CCT3: variants seen among roughly 807,000 people sequenced by gnomAD.
CCT3 encodes T-complex protein 1 subunit gamma.
A neutral mutation model predicts 65.3 loss-of-function variants in CCT3; 10 were observed. The observed-to-expected ratio is 0.15, with a 90% CI of 0.09 to 0.26. The LOEUF (loss-of-function observed/expected upper bound fraction) is 0.26. Ranked by LOEUF, CCT3 falls within the 10% of genes least tolerant of loss-of-function variation. The pLI is 1.00. For synonymous variants in CCT3, 225 were observed against 242.3 expected, an observed-to-expected ratio of 0.93 and a Z score of 0.66; for missense variants, 626 against 708.7, an observed-to-expected ratio of 0.88 and a Z score of 1.33.
At chr1:156,331,746 CTCTCAG>C (rs1665105533) in intron 5 of CCT3, among the ~76,000 whole-genome samples, 1 of 150,216 alleles carries the variant, frequency 6.7e-6, no homozygotes, top group Admixed American at 6.6e-5. Flanking sequence ...AAAATAGTCC[CTCTCAG>C]GCCAGGCGTG....
At position 156,318,894 on chromosome 1, in the gene CCT3, G is replaced by C. The variant is rs1026650954; in HGVS notation, c.733C>G (p.Leu245Val). The C allele has an allele frequency of 2.0e-5, 32 of 1,613,880 alleles. No individual in the cohort carries two copies. Among genetic ancestry groups the C allele is most frequent in the Non-Finnish European group, 2.5e-5 (29 of 1,180,008 alleles). ...NPRIVLLDSS[L>V]EYKKGESQTD... The stretch of plus-strand genomic sequence containing the variant: ...TGGCTTTCTCCTTTCTTGTATTCCA[G>C]AGAAGAATCCAGCAGCACAATGCGA... The change falls in exon 8 of 14, where the codon CTG becomes GTG. Residue 245 changes from leucine (L) to valine (V), a missense_variant. Coordinates refer to ENST00000295688, the MANE Select transcript of CCT3 (RefSeq NM_005998.5).
chr1:156,319,088 A>T, intron 7 of CCT3, 71 bp from the exon 8 acceptor site: 1 of 1,384,380 alleles, frequency 7.2e-7, no homozygotes, highest in South Asian at 1.4e-5. Flanking sequence ...CCAGATGTTC[A>T]TCTTTCCCAA....
Position 156,312,149 on chromosome 1 carries a change from C to T in CCT3, c.1047G>A (p.Leu349=). 6.2e-7 allele frequency: 1 copy of T among 1,614,078 alleles called. No individual in the cohort carries two copies. Among genetic ancestry groups the T allele is most frequent in the Non-Finnish European group, 8.5e-7 (1 of 1,180,016 alleles). Residue 349 remains leucine (L), a synonymous_variant, in exon 11 of 14, where the codon CTG becomes CTA. Coordinates refer to ENST00000295688, the MANE Select transcript of CCT3 (RefSeq NM_005998.5). The part of the protein sequence containing the change: ...REDDVGTGAG[L]LEIKKIGDEY... ...CATCTCCAATTTTCTTGATTTCCAA[C>T]AGGCCTGCTCCTGTTCCAACATCAT... is the stretch of plus-strand genomic sequence containing the variant.
intron 6 of CCT3, among the ~76,000 whole-genome samples, chr1:156,323,828 T>C (rs910534484): frequency 6.6e-6 from 1 of 151,956 alleles, no homozygotes; most frequent in African/African-American, 2.4e-5. Flanking sequence ...AATGGTGCGA[T>C]CCTGGCTCAC....
chr1:156,318,454 A>G (rs1664405646), intron 8 of CCT3, among the ~76,000 whole-genome samples: 1 of 152,052 alleles, frequency 6.6e-6, no homozygotes, highest in African/African-American at 2.4e-5. Context: ...CCTGGGCTCG[A>G]GCCATCCACC....
At chr1:156,332,275 G>A (rs1038651522) in intron 5 of CCT3, among the ~76,000 whole-genome samples, 19 of 152,204 alleles carry the variant, frequency 1.2e-4, no homozygotes, top group African/African-American at 4.3e-4. Flanking sequence ...GCCTCCCAAA[G>A]TGCTGGGATT....
chr1:156,328,185 T>G, intron 5 of CCT3, among the ~76,000 whole-genome samples: 1 of 107,572 alleles, frequency 9.3e-6, no homozygotes, highest in East Asian at 3.1e-4. Context: ...AGCCGCCCCG[T>G]CCGGGAGGGA....
chr1:156,310,426 G>A lies in CCT3; in HGVS notation c.1533+132C>T, dbSNP rs539960593. 33 of 519,958 alleles carry A rather than the reference G, an allele frequency of 6.3e-5. 1 individual carries two copies. The highest frequency in any genetic ancestry group is 8.3e-5 in the Non-Finnish European group (28 of 336,156). The allele number at this position is 519,958 out of a possible 1,614,324, so 32.2% of individuals were successfully genotyped here. On this transcript the variant is annotated intron_variant, in intron 13 of 13. Transcript: ENST00000295688. Reference sequence around the variant, plus strand: ...CAAGAATTGCTTGAACCCGGGAGGCGGAGATTGCAGTGAGCCGAGATCACA... The same window carrying A: ...CAAGAATTGCTTGAACCCGGGAGGCAGAGATTGCAGTGAGCCGAGATCACA...
At chr1:156,322,751 C>T (rs528612181) in intron 6 of CCT3, among the ~76,000 whole-genome samples, 29 of 151,854 alleles carry the variant, frequency 1.9e-4, no homozygotes, top group African/African-American at 5.6e-4. Context: ...CCCAGCTACT[C>T]GGGAGGCTGA....
chr1:156,326,085 C>T (rs1005716688), intron 5 of CCT3, among the ~76,000 whole-genome samples: 2 of 152,084 alleles, frequency 1.3e-5, no homozygotes, highest in African/African-American at 4.8e-5. Context: ...GTAATCCCAG[C>T]ACTTTGGGAG....
At chr1:156,319,470 G>A (rs1664458422) in intron 7 of CCT3, among the ~76,000 whole-genome samples, 1 of 152,006 alleles carries the variant, frequency 6.6e-6, no homozygotes, top group Non-Finnish European at 1.5e-5. Context: ...AAATATTATT[G>A]GAATCACATT....
intron 5 of CCT3, among the ~76,000 whole-genome samples, chr1:156,327,009 G>A (rs1664843857): frequency 6.6e-6 from 1 of 152,138 alleles, no homozygotes; most frequent in African/African-American, 2.4e-5. Flanking sequence ...CTGTGCCCAG[G>A]CACCCCAGCC....
rs1570919997 is a variant in CCT3, at chr1:156,318,945, G to A, written c.682C>T (p.Arg228Cys). The change falls in exon 8 of 14, where the codon CGT (arginine) becomes TGT (cysteine). Residue 228 changes from arginine to cysteine, a missense_variant. Physicochemically the swap from Arg to Cys is radical, Grantham distance 180. Transcript: ENST00000295688. ...GGGTTCTTGATATAGCGCCGCATAC[G>A]TGGATGGGTCACATCCTTGTTAATC... ...VMINKDVTHP[R>C]MRRYIKNPRI... is the part of the protein sequence containing the mutation. 1.9e-6 allele frequency: 3 copies of A among 1,613,858 alleles called. No homozygotes were observed. Among genetic ancestry groups the A allele is most frequent in the East Asian group, 2.2e-5 (1 of 44,896 alleles).
chr1:156,320,726 C>T lies in CCT3; in HGVS notation c.609+113G>A, dbSNP rs1664515796. 14 of 812,496 alleles carry T rather than the reference C, an allele frequency of 1.7e-5. No individual in the cohort carries two copies. In the East Asian group the frequency reaches 3.5e-4, roughly 20 times the overall value. 50.3% of individuals were successfully genotyped at this position (812,496 alleles called of 1,614,324 possible). A position where few individuals can be genotyped will look rare whatever the true frequency, so the allele number is the denominator to read the frequency against. On this transcript the variant is annotated intron_variant, in intron 7 of 13. Transcript: ENST00000295688. ...CCAGCCTAGGCAACAAGGTGAGACT[C>T]TGTCTCAAAAACAAAACAAAACAAC...
chr1:156,326,449 C>T lies in CCT3; in HGVS notation c.305-1360G>A, dbSNP rs1570928787. 2.6e-5 allele frequency among the ~76,000 whole-genome samples: 4 copies of T among 151,960 alleles called. No homozygotes were observed. The South Asian group carries it at 8.3e-4, about 32-fold the overall frequency. On this transcript the variant is annotated intron_variant, in intron 5 of 13. Transcript: ENST00000295688. ...GATGGATTACCTGAGGTCAGGAGTT[C>T]ATGACCAGCCTGGCCAACATGGTGA...
At chr1:156,325,205 C>T (rs2101655021) in intron 5 of CCT3, 116 bp from the exon 6 acceptor site, 4 of 744,348 alleles carry the variant, frequency 5.4e-6, no homozygotes, top group Non-Finnish European at 7.0e-6. Context: ...AAAGGTATGA[C>T]ATTTGGCCAT....
At chr1:156,328,857 A>C (rs1425168054) in intron 5 of CCT3, among the ~76,000 whole-genome samples, 1 of 137,540 alleles carries the variant, frequency 7.3e-6, no homozygotes, top group Non-Finnish European at 1.6e-5. Context: ...GATCAATAAA[A>C]ATAAAAATAA....
intron 10 of CCT3, among the ~76,000 whole-genome samples, chr1:156,313,980 C>T (rs1436161186): frequency 3.3e-5 from 5 of 150,938 alleles, no homozygotes; most frequent in South Asian, 2.1e-4. Context: ...CCCAGCTACT[C>T]GGGAGGCTGA....
At chr1:156,337,589 G>GA in intron 1 of CCT3, 1 of 166,574 alleles carries the variant, frequency 6.0e-6, no homozygotes, top group South Asian at 1.3e-4. Context: ...TGCTGTTCAA[G>GA]AGACTGTTAC....
Sources: gnomAD v4.1 joint callset for allele counts (sites outside exome capture counted in the v4.1 genomes callset) on GRCh38, gnomAD v4.1.1 for gene constraint, MANE v1.5 for transcripts, NCBI Gene and HGNC (gene_info 2026-07-23, HGNC 2026-07-21) for gene names.